The following KIAA0825 variants were observed in gnomAD, a reference collection of about 807,000 sequenced individuals.
The protein encoded by KIAA0825 is uncharacterized protein KIAA0825.
A neutral mutation model predicts 147.6 loss-of-function variants in KIAA0825; 119 were observed. The observed-to-expected ratio is 0.81, with a 90% CI of 0.69 to 0.94. The LOEUF (loss-of-function observed/expected upper bound fraction) is 0.94, where lower values mean the gene tolerates loss of function less well. KIAA0825 is among the 40% of genes least tolerant of loss of function. KIAA0825 has a pLI of 0.00. For synonymous variants in KIAA0825, 470 were observed against 518.1 expected (o/e 0.91, Z 1.26); for missense variants, 1,381 against 1,472.7 (o/e 0.94, Z 1.02).
intron 20 of KIAA0825, among the ~76,000 whole-genome samples, chr5:94,297,535 TAAAG>T (rs2150175128): frequency 6.6e-6 from 1 of 152,278 alleles, no homozygotes; most frequent in Non-Finnish European, 1.5e-5. Context: ...CAGAGTTCAA[TAAAG>T]AAAAATTTTC....
At chr5:94,491,620 G>A (rs552193788) in intron 5 of KIAA0825, among the ~76,000 whole-genome samples, 2 of 152,292 alleles carry the variant, frequency 1.3e-5, no homozygotes, top group South Asian at 2.1e-4. Context: ...TGTCATGAAC[G>A]CTAAGATGAA....
At chr5:94,313,333 G>A (rs980349797) in intron 20 of KIAA0825, among the ~76,000 whole-genome samples, 3 of 151,526 alleles carry the variant, frequency 2.0e-5, no homozygotes, top group Non-Finnish European at 4.4e-5. Flanking sequence ...TTTACGGCTC[G>A]ATATGAATAA....
chr5:94,543,119 G>A (rs949478294), intron 2 of KIAA0825, among the ~76,000 whole-genome samples: 3 of 152,156 alleles, frequency 2.0e-5, no homozygotes, highest in Non-Finnish European at 4.4e-5. Context: ...AGGTATTTGA[G>A]GGTACAAGCC....
At chr5:94,264,087 C>A (rs549908315) in intron 20 of KIAA0825, among the ~76,000 whole-genome samples, 1 of 152,308 alleles carries the variant, frequency 6.6e-6, no homozygotes, top group South Asian at 2.1e-4. Context: ...ATATGCCTCT[C>A]CCACATCTAT....
chr5:94,403,304 A>G (rs1002070195), intron 16 of KIAA0825, among the ~76,000 whole-genome samples: 1 of 152,178 alleles, frequency 6.6e-6, no homozygotes, highest in Non-Finnish European at 1.5e-5. Flanking sequence ...CCAATCTGTG[A>G]CTATTAGCCT....
chr5:94,424,900 T>G (rs1314200665), intron 14 of KIAA0825, among the ~76,000 whole-genome samples: 1 of 152,068 alleles, frequency 6.6e-6, no homozygotes, highest in Admixed American at 6.6e-5. Context: ...AAGAAACGGA[T>G]AAATTCCTGG....
At chr5:94,566,556 T>C (rs1239850979) in intron 2 of KIAA0825, among the ~76,000 whole-genome samples, 2 of 152,128 alleles carry the variant, frequency 1.3e-5, no homozygotes, top group Non-Finnish European at 2.9e-5. Flanking sequence ...TGATTCTTGA[T>C]ATATTTTTGC....
chr5:94,477,195 C>A lies in KIAA0825; in HGVS notation c.1143G>T (p.Glu381Asp). Residue 381 changes from glutamate (E) to aspartate (D), a missense_variant, in exon 7 of 21, where the codon GAG becomes GAT. Physicochemically the swap from Glu to Asp is conservative, Grantham distance 45. Coordinates refer to ENST00000682413, the MANE Select transcript of KIAA0825 (RefSeq NM_001145678.3). ...KITRDTSGIL[E>D]KSDREVVMEK... ...CCATTACAACCTCTCTATCGGATTT[C>A]TCCAAAATTCCTAAGCAATAGAAAA... 6.5e-7 allele frequency: 1 copy of A among 1,547,554 alleles called. No individual in the cohort carries two copies. Among genetic ancestry groups the A allele is most frequent in the Admixed American group, 2.0e-5 (1 of 50,736 alleles).
At chr5:94,483,933 AAT>A (rs148938310) in intron 6 of KIAA0825, among the ~76,000 whole-genome samples, 17 of 149,444 alleles carry the variant, frequency 1.1e-4, no homozygotes, top group East Asian at 2.0e-4. Context: ...AGATGCAGCA[AAT>A]ATATATATAT....
intron 20 of KIAA0825, among the ~76,000 whole-genome samples, chr5:94,154,796 A>G (rs1166334487): frequency 1.3e-5 from 2 of 152,200 alleles, no homozygotes; most frequent in African/African-American, 2.4e-5. Context: ...CAAAGTAAAT[A>G]TCATCACAAT....
At chr5:94,175,853 C>T (rs977659313) in intron 20 of KIAA0825, among the ~76,000 whole-genome samples, 1 of 152,046 alleles carries the variant, frequency 6.6e-6, no homozygotes, top group South Asian at 2.1e-4. Flanking sequence ...TGCCCCCTCC[C>T]ATCTTATTTG....
intron 20 of KIAA0825, among the ~76,000 whole-genome samples, chr5:94,174,726 C>T (rs1282381169): frequency 6.6e-6 from 1 of 152,148 alleles, no homozygotes; most frequent in Non-Finnish European, 1.5e-5. Flanking sequence ...CTAATTTATT[C>T]AGCTTTCTTC....
chr5:94,511,201 C>T (rs1766427305), intron 5 of KIAA0825, among the ~76,000 whole-genome samples: 1 of 152,302 alleles, frequency 6.6e-6, no homozygotes, highest in African/African-American at 2.4e-5. Context: ...TTGAACTTGT[C>T]GGCCTCCAGA....
chr5:94,432,688 T>C (rs1755846044), intron 14 of KIAA0825, among the ~76,000 whole-genome samples: 1 of 152,178 alleles, frequency 6.6e-6, no homozygotes, highest in African/African-American at 2.4e-5. Context: ...CAATGGGTTA[T>C]TTTAGGTCAC....
At chr5:94,495,634 A>G (rs1764267359) in intron 5 of KIAA0825, among the ~76,000 whole-genome samples, 2 of 152,222 alleles carry the variant, frequency 1.3e-5, no homozygotes, top group African/African-American at 2.4e-5. Flanking sequence ...TCCGAGGCTC[A>G]TGAGAATAAA....
chr5:94,358,537 TCTTTA>T (rs1744632070), intron 20 of KIAA0825, among the ~76,000 whole-genome samples: 1 of 152,216 alleles, frequency 6.6e-6, no homozygotes, highest in Non-Finnish European at 1.5e-5. Context: ...TACCTGTTTT[TCTTTA>T]CTTTGGATTT....
intron 2 of KIAA0825, among the ~76,000 whole-genome samples, chr5:94,563,578 G>C (rs574581817): frequency 5.9e-5 from 9 of 152,262 alleles, no homozygotes; most frequent in Admixed American, 2.0e-4. Flanking sequence ...AAAAGTTACA[G>C]TGTAAAACTA....
At chr5:94,528,631 C>G (rs1769852086) in intron 3 of KIAA0825, among the ~76,000 whole-genome samples, 1 of 152,068 alleles carries the variant, frequency 6.6e-6, no homozygotes, top group Non-Finnish European at 1.5e-5. Context: ...AAATCTACAT[C>G]TAATTTGGAT....
In KIAA0825 at chr5:94,222,626, A is replaced by T. The variant is rs141466313; in HGVS notation, c.3711-68502T>A. ...AACCTAGAAAATCACATTTGTGACC[A>T]ATGATCAGAATGTCACTATATATTT... On this transcript the variant is annotated intron_variant, in intron 20 of 20. Transcript: ENST00000682413. Among the ~76,000 whole-genome samples, 217 of 152,338 alleles carry T rather than the reference A, an allele frequency of 1.4e-3. 1 individual carries two copies. The highest frequency in any genetic ancestry group is 4.7e-3 in the African/African-American group (196 of 41,586).
Sources: allele counts gnomAD v4.1 joint callset (sites outside exome capture counted in the v4.1 genomes callset), GRCh38; gene constraint gnomAD v4.1.1; transcripts MANE v1.5; gene names NCBI Gene and HGNC (gene_info 2026-07-23, HGNC 2026-07-21).